ZFPM2: variants seen among roughly 807,000 people sequenced by gnomAD.
The protein encoded by ZFPM2 is zinc finger protein, FOG family member 2, also known as zinc finger protein ZFPM2.
Under a neutral mutation model 98.6 loss-of-function variants are expected in ZFPM2, and 20 were observed. That is an observed-to-expected ratio of 0.20 (90% CI 0.14 to 0.29). The LOEUF (loss-of-function observed/expected upper bound fraction) is 0.29, where lower values mean the gene tolerates loss of function less well. ZFPM2 is among the 10% of genes least tolerant of loss of function. ZFPM2 has a pLI of 1.00. For synonymous variants in ZFPM2, 518 were observed against 502.7 expected, an observed-to-expected ratio of 1.03 and a Z score of -0.41; for missense variants, 1,310 against 1,388.6, an observed-to-expected ratio of 0.94 and a Z score of 0.90.
chr8:105,670,453 G>GC (rs1489965184), intron 5 of ZFPM2, among the ~76,000 whole-genome samples: 7 of 129,170 alleles, frequency 5.4e-5, no homozygotes, highest in African/African-American at 1.5e-4. Context: ...CCGAGATCGT[G>GC]CCACTGCACT....
intron 3 of ZFPM2, among the ~76,000 whole-genome samples, chr8:105,553,947 G>T (rs1428845570): frequency 3.9e-5 from 6 of 152,044 alleles, no homozygotes; most frequent in Admixed American, 2.0e-4. Context: ...TACAAGGTTC[G>T]ATTTATTAAA....
chr8:105,456,146 G>GT (rs200639878), intron 3 of ZFPM2, among the ~76,000 whole-genome samples: 2,067 of 93,052 alleles, frequency 0.022, 241 homozygotes, highest in East Asian at 0.058. Flanking sequence ...CCAGGAAAAT[G>GT]TTTTTTTTTG....
rs5893754 is a variant in ZFPM2 at position 105,673,187 on chromosome 8, C to CTTTTTTTTTTTTTTTTTTTTT, written c.532+38850_532+38851insTTTTTTTTTTTTTTTTTTTTT. ...TACTTCTATTTTTTCAAATAGCATG[C>CTTTTTTTTTTTTTTTTTTTTT]TTTTTTTTTTTTTTTTTTTTACCGA... is the stretch of plus-strand genomic sequence containing the variant. On this transcript the variant is annotated intron_variant, in intron 5 of 7. Transcript: ENST00000407775. 3.1e-4 allele frequency among the ~76,000 whole-genome samples: 27 copies of CTTTTTTTTTTTTTTTTTTTTT among 87,524 alleles called. 2 individuals carry two copies. Among genetic ancestry groups the CTTTTTTTTTTTTTTTTTTTTT allele is most frequent in the African/African-American group, 1.3e-3 (26 of 20,466 alleles). The allele number at this position is 87,524 out of a possible 152,430, so 57.4% of individuals were successfully genotyped here.
intron 1 of ZFPM2, among the ~76,000 whole-genome samples, chr8:105,405,787 A>G (rs1417218819): frequency 1.3e-5 from 2 of 152,254 alleles, no homozygotes; most frequent in African/African-American, 2.4e-5. Context: ...TCCTTTGGGT[A>G]TATACCCAGT....
intron 5 of ZFPM2, among the ~76,000 whole-genome samples, chr8:105,645,376 T>C (rs1431854800): frequency 6.6e-6 from 1 of 152,244 alleles, no homozygotes; most frequent in Non-Finnish European, 1.5e-5. Flanking sequence ...ATGCGAATAG[T>C]CATTCTTTTA....
intron 3 of ZFPM2, among the ~76,000 whole-genome samples, chr8:105,538,093 T>G (rs1401969187): frequency 6.6e-6 from 1 of 152,178 alleles, no homozygotes; most frequent in Non-Finnish European, 1.5e-5. Flanking sequence ...CATTATATTC[T>G]TAATAGTTTT....
At position 105,443,837 on chromosome 8, in the gene ZFPM2, T is replaced by C. The variant is rs556293587; in HGVS notation, c.200-443T>C. Among the ~76,000 whole-genome samples the C allele has an allele frequency of 2.2e-4, 34 of 152,332 alleles. No homozygotes were observed. The South Asian group carries it at 6.8e-3, about 31-fold the overall frequency. ...AAGCTGGGGAAAAATAAAAGTGTTC[T>C]TCAAAGTAATCTAAATTCAACCAAA... is the stretch of plus-strand genomic sequence containing the variant. On this transcript the variant is annotated intron_variant, in intron 2 of 7. Coordinates refer to ENST00000407775, the MANE Select transcript of ZFPM2 (RefSeq NM_012082.4).
At chr8:105,561,596 T>C in intron 4 of ZFPM2, 115 bp downstream of exon 4, 1 of 902,150 alleles carries the variant, frequency 1.1e-6, no homozygotes, top group Non-Finnish European at 1.7e-6. Context: ...TAACCATTTG[T>C]TTTTGCTTTT....
In ZFPM2 at chr8:105,649,508, G is replaced by A. The variant is rs183995829; in HGVS notation, c.532+15151G>A. On this transcript the variant is annotated intron_variant, in intron 5 of 7. Transcript: ENST00000407775. ...TTTTGGCCCATTCTGTATGATATGG[G>A]CTGTGGGTTTGTCATAAATAGCTCT... 4.6e-5 allele frequency among the ~76,000 whole-genome samples: 7 copies of A among 152,288 alleles called. No individual in the cohort carries two copies. The East Asian group carries it at 1.3e-3, about 29-fold the overall frequency.
At chr8:105,617,020 GAAAAAAAA>G (rs773023421) in intron 4 of ZFPM2, among the ~76,000 whole-genome samples, 339 of 28,128 alleles carry the variant, frequency 0.012, 8 homozygotes, top group African/African-American at 0.046. Context: ...ACTCTGTCTC[GAAAAAAAA>G]AAAAAAAAAA....
At chr8:105,390,728 C>T (rs1369379237) in intron 1 of ZFPM2, among the ~76,000 whole-genome samples, 1 of 152,040 alleles carries the variant, frequency 6.6e-6, no homozygotes, top group African/African-American at 2.4e-5. Flanking sequence ...CCTTAATGTA[C>T]TCATGGTAAT....
chr8:105,635,255 A>T (rs1303919221), intron 5 of ZFPM2, among the ~76,000 whole-genome samples: 1 of 152,202 alleles, frequency 6.6e-6, no homozygotes, highest in Non-Finnish European at 1.5e-5. Flanking sequence ...ATAAAAGCAT[A>T]CAAGGGAACA....
chr8:105,326,403 T>C (rs1023514982), intron 1 of ZFPM2, among the ~76,000 whole-genome samples: 1 of 151,750 alleles, frequency 6.6e-6, no homozygotes, highest in African/African-American at 2.4e-5. Flanking sequence ...ACTTTTCTTT[T>C]AGGATTATGG....
intron 1 of ZFPM2, chr8:105,387,668 T>A: frequency 6.4e-6 from 1 of 155,126 alleles, no homozygotes; most frequent in Non-Finnish European, 1.4e-5. Context: ...TGCCCGCGCC[T>A]CTACTTCCAC....
chr8:105,658,153 G>A (rs554494275), intron 5 of ZFPM2, among the ~76,000 whole-genome samples: 2 of 152,278 alleles, frequency 1.3e-5, no homozygotes, highest in East Asian at 3.9e-4. Context: ...GAGTCTGGAA[G>A]CCTCTGGTGA....
intron 3 of ZFPM2, among the ~76,000 whole-genome samples, chr8:105,445,301 G>A (rs1812343262): frequency 6.6e-6 from 1 of 152,068 alleles, no homozygotes; most frequent in Non-Finnish European, 1.5e-5. Context: ...TTATTATGAT[G>A]TCATTTCTAA....
chr8:105,599,718 C>T (rs542211161), intron 4 of ZFPM2, among the ~76,000 whole-genome samples: 7 of 152,258 alleles, frequency 4.6e-5, no homozygotes, highest in Non-Finnish European at 1.0e-4. Context: ...GCCAGGGCTG[C>T]ACCATCAGCC....
At chr8:105,454,586 A>G (rs1023030600) in intron 3 of ZFPM2, among the ~76,000 whole-genome samples, 3 of 152,190 alleles carry the variant, frequency 2.0e-5, no homozygotes, top group African/African-American at 7.2e-5. Flanking sequence ...ATGTTTGTGA[A>G]GTTTCTGATC....
At chr8:105,755,763 T>C (rs1380140133) in intron 5 of ZFPM2, among the ~76,000 whole-genome samples, 1 of 152,118 alleles carries the variant, frequency 6.6e-6, no homozygotes, top group Non-Finnish European at 1.5e-5. Context: ...ATAACCACCA[T>C]GATTCAGTTA....
Sources: gnomAD v4.1 joint callset for allele counts (sites outside exome capture counted in the v4.1 genomes callset) on GRCh38, gnomAD v4.1.1 for gene constraint, MANE v1.5 for transcripts, NCBI Gene and HGNC (gene_info 2026-07-23, HGNC 2026-07-21) for gene names.